Variants in TBC1D10A observed in about 807,000 individuals in gnomAD.
TBC1D10A encodes TBC1 domain family member 10A.
In TBC1D10A, 24 loss-of-function variants were observed where a neutral mutation model predicts 52.9. The observed-to-expected ratio is 0.45, with a 90% CI of 0.33 to 0.64. The LOEUF is 0.64. Among genes scored for constraint, TBC1D10A ranks in the 30% least tolerant of loss-of-function variants. The pLI, the probability that TBC1D10A is intolerant of heterozygous loss-of-function variation, is 0.02. For synonymous variants in TBC1D10A, 278 were observed against 282.9 expected (o/e 0.98, Z 0.17); for missense variants, 602 against 687.9 (o/e 0.88, Z 1.40).
intron 1 of TBC1D10A, 74 bp downstream of exon 1, chr22:30,326,599 C>G (rs1038185073): frequency 9.2e-5 from 132 of 1,431,626 alleles, no homozygotes; most frequent in Middle Eastern, 1.9e-4. Flanking sequence ...CGGCAAGTCC[C>G]GAGGGCGCCT....
At chr22:30,301,909 G>C (rs943477912) in intron 2 of TBC1D10A, among the ~76,000 whole-genome samples, 1 of 152,216 alleles carries the variant, frequency 6.6e-6, no homozygotes, top group African/African-American at 2.4e-5. Context: ...TGCGGCTATG[G>C]GACAAGGGTC....
In TBC1D10A at chr22:30,292,652, G is replaced by A. The variant is rs955418134; in HGVS notation, c.1250C>T (p.Pro417Leu). 7 of 1,610,796 alleles carry A rather than the reference G, an allele frequency of 4.3e-6. No individual in the cohort carries two copies. Among genetic ancestry groups the A allele is most frequent in the Non-Finnish European group, 5.9e-6 (7 of 1,178,390 alleles). The change falls in exon 9 of 9, where the codon CCC (proline) becomes CTC (leucine). Residue 417 changes from proline (P) to leucine (L), a missense_variant. Physicochemically the swap from Pro to Leu is moderately conservative, Grantham distance 98 (BLOSUM62 -3). This residue lies in a region of TBC1D10A where 265 missense variants were observed against 275.1 expected (regional missense o/e 0.96). Coordinates refer to ENST00000215790, the MANE Select transcript of TBC1D10A (RefSeq NM_031937.3). ...GGGCTTGGCTTTGGAGCCAGGGAGG[G>A]GGGCATCTAGGGGCAGGCGGATGGA... is the stretch of plus-strand genomic sequence containing the variant. ...SPSIRLPLDA[P>L]LPGSKAKPKP...
rs1929962808 is a variant in TBC1D10A at position 30,292,409 on chromosome 22, A to C, written c.1493T>G (p.Leu498Trp). 1.3e-6 allele frequency: 2 copies of C among 1,577,652 alleles called. No individual in the cohort carries two copies. Among genetic ancestry groups the C allele is most frequent in the South Asian group, 1.2e-5 (1 of 85,728 alleles). The change falls in exon 9 of 9, where the codon TTG (leucine) becomes TGG (tryptophan). Residue 498 changes from leucine (L) to tryptophan (W), a missense_variant. By Grantham distance (61) the Leu-to-Trp change is moderately conservative. This residue lies in a region of TBC1D10A where 265 missense variants were observed against 275.1 expected (regional missense o/e 0.96). Coordinates refer to ENST00000215790, the MANE Select transcript of TBC1D10A (RefSeq NM_031937.3). ...GGTGTCCTCACTCTCTTGGGACGTCAAGCTCTCCTGGGAGCGGTGGTGGGC... is the reference window on the plus strand; with the variant it reads ...GGTGTCCTCACTCTCTTGGGACGTCCAGCTCTCCTGGGAGCGGTGGTGGGC... Reference protein sequence around the residue: ...VSAHHRSQESLTSQESEDTYL With the variant: ...VSAHHRSQESWTSQESEDTYL
intron 3 of TBC1D10A, 99 bp downstream of exon 3, chr22:30,299,345 C>T (rs1930151458): frequency 4.1e-6 from 5 of 1,227,344 alleles, no homozygotes; most frequent in East Asian, 2.4e-5. Flanking sequence ...ATGGACTGCT[C>T]ATCCTGTGAG....
intron 1 of TBC1D10A, among the ~76,000 whole-genome samples, chr22:30,314,710 G>T (rs1930497379): frequency 6.6e-6 from 1 of 151,842 alleles, no homozygotes; most frequent in South Asian, 2.1e-4. Context: ...TACTCAGGAG[G>T]CTGAGGTGGA....
intron 1 of TBC1D10A, among the ~76,000 whole-genome samples, chr22:30,316,242 T>C (rs753668616): frequency 6.6e-6 from 1 of 152,104 alleles, no homozygotes; most frequent in Non-Finnish European, 1.5e-5. Context: ...TTCCAGCACT[T>C]TGGGAGGCAG....
chr22:30,312,476 T>C (rs1472186475), intron 1 of TBC1D10A, among the ~76,000 whole-genome samples: 1 of 152,196 alleles, frequency 6.6e-6, no homozygotes, highest in Admixed American at 6.5e-5. Flanking sequence ...TGAACCATGA[T>C]TGTGCCACTG....
chr22:30,295,793 A>G lies in TBC1D10A; in HGVS notation c.468T>C (p.Arg156=), dbSNP rs774776816. The change falls in exon 4 of 9, where the codon CGT becomes CGC. Residue 156 remains arginine (R), a synonymous_variant. Coordinates refer to ENST00000215790, the MANE Select transcript of TBC1D10A (RefSeq NM_031937.3). ...GDPKWLDVIE[R]DLHRQFPFHE... ...GGAATGGGAACTGCCGGTGCAGGTC[A>G]CGCTCAATCACGTCCAGCCACTTGG... is the stretch of plus-strand genomic sequence containing the variant. 1.2e-5 allele frequency: 20 copies of G among 1,613,944 alleles called. No individual in the cohort carries two copies. Among genetic ancestry groups the G allele is most frequent in the Non-Finnish European group, 1.4e-5 (17 of 1,180,030 alleles).
chr22:30,294,020 C>G lies in TBC1D10A; in HGVS notation c.796G>C (p.Asp266His), dbSNP rs547086076. 1 of 1,614,000 alleles carries G rather than the reference C, an allele frequency of 6.2e-7. No homozygotes were observed. Among genetic ancestry groups the G allele is most frequent in the Admixed American group, 1.7e-5 (1 of 59,998 alleles). The stretch of plus-strand genomic sequence containing the variant: ...CATTCTGTCATATAGAGGAGCGGGT[C>G]GATCTTCTGACGGCTGAGGTGCTTG... Reference protein sequence around the residue: ...AHKHLSRQKIDPLLYMTEWFM... With the variant: ...AHKHLSRQKIHPLLYMTEWFM... Residue 266 changes from aspartate to histidine, a missense_variant, in exon 7 of 9, where the codon GAC (aspartate) becomes CAC (histidine). This residue lies in a region of TBC1D10A where 136 missense variants were observed against 208.4 expected (regional missense o/e 0.65). Transcript: ENST00000215790.
rs541823842 is a variant in TBC1D10A, at chr22:30,321,077, C to T, written c.209+5596G>A. On this transcript the variant is annotated intron_variant, in intron 1 of 8. Transcript: ENST00000215790. ...TAGGTGCTACCATCTTATCTCTTTCCCACAGCTTAGAGTTTCCCAGCAGGC... is the reference window on the plus strand; with the variant it reads ...TAGGTGCTACCATCTTATCTCTTTCTCACAGCTTAGAGTTTCCCAGCAGGC... 4.6e-5 allele frequency among the ~76,000 whole-genome samples: 7 copies of T among 152,298 alleles called. No individual in the cohort carries two copies. In the South Asian group the frequency reaches 1.5e-3, roughly 32 times the overall value.
At chr22:30,320,221 G>A (rs1298375597) in intron 1 of TBC1D10A, among the ~76,000 whole-genome samples, 1 of 152,188 alleles carries the variant, frequency 6.6e-6, no homozygotes, top group Non-Finnish European at 1.5e-5. Context: ...TCTGGCCTAT[G>A]GGAGGACTAA....
chr22:30,295,885 G>A lies in TBC1D10A; in HGVS notation c.418-42C>T. ...AAATTAGGGGCTGGGGAGGATGGAG[G>A]TGGGCTTTGCTGACAGGACACGGCT... On this transcript the variant is annotated intron_variant, in intron 3 of 8. Transcript: ENST00000215790. 3.2e-6 allele frequency: 5 copies of A among 1,570,808 alleles called. No homozygotes were observed. In the Middle Eastern group the frequency reaches 5.0e-4, roughly 159 times the overall value.
At chr22:30,315,633 G>A (rs534450294) in intron 1 of TBC1D10A, among the ~76,000 whole-genome samples, 1 of 152,292 alleles carries the variant, frequency 6.6e-6, no homozygotes. Context: ...AAAGTGGCTG[G>A]CCGCGGAAGA....
At chr22:30,312,705 A>C (rs1930450769) in intron 1 of TBC1D10A, among the ~76,000 whole-genome samples, 1 of 152,042 alleles carries the variant, frequency 6.6e-6, no homozygotes, top group Non-Finnish European at 1.5e-5. Flanking sequence ...ATCTTCCTTC[A>C]ACCCCCATTC....
rs1930112832 is a variant in TBC1D10A at position 30,297,724 on chromosome 22, T to C, written c.417+1720A>G. ...CAGCACCTGCAGAGCCTGCCCTGAA[T>C]GCTGAGGTTGGGATGGGCCACCTGG... is the stretch of plus-strand genomic sequence containing the variant. On this transcript the variant is annotated intron_variant, in intron 3 of 8. Transcript: ENST00000215790. This position sits in a 1 kb window ranked among gnomAD's most constrained non-coding sequence, Gnocchi z 4.3. The C allele has an allele frequency of 6.6e-6, 1 of 152,320 alleles. No homozygotes were observed. The highest frequency in any genetic ancestry group is 2.1e-4 in the South Asian group (1 of 4,838). 9.4% of individuals were successfully genotyped at this position (152,320 alleles called of 1,614,324 possible).
At chr22:30,315,538 T>C (rs1025916552) in intron 1 of TBC1D10A, among the ~76,000 whole-genome samples, 3 of 152,180 alleles carry the variant, frequency 2.0e-5, no homozygotes, top group African/African-American at 7.2e-5. Flanking sequence ...ACTGGGATTA[T>C]AGGCATGAGC....
intron 1 of TBC1D10A, among the ~76,000 whole-genome samples, chr22:30,315,976 T>C (rs1601679333): frequency 1.3e-5 from 2 of 152,276 alleles, no homozygotes; most frequent in South Asian, 4.1e-4. Flanking sequence ...GGAGGAATGC[T>C]GGGTGCCAGG....
intron 1 of TBC1D10A, among the ~76,000 whole-genome samples, chr22:30,315,095 G>C (rs1261602563): frequency 6.6e-6 from 1 of 152,162 alleles, no homozygotes; most frequent in African/African-American, 2.4e-5. Context: ...GGAACTCATG[G>C]GGGGATTCCC....
chr22:30,323,816 A>C (rs1315080598), intron 1 of TBC1D10A, among the ~76,000 whole-genome samples: 3 of 152,038 alleles, frequency 2.0e-5, no homozygotes, highest in Non-Finnish European at 4.4e-5. Flanking sequence ...AAATATGAAA[A>C]ATTAGCCAGG....
Sources: allele counts gnomAD v4.1 joint callset (sites outside exome capture counted in the v4.1 genomes callset), GRCh38; gene constraint gnomAD v4.1.1; regional missense constraint gnomAD v4.1.1; non-coding constraint Gnocchi (gnomAD v3.1); transcripts MANE v1.5; gene names NCBI Gene and HGNC (gene_info 2026-07-23, HGNC 2026-07-21).